The following CHPT1 variants were observed in gnomAD, a reference collection of about 807,000 sequenced individuals.
CHPT1 encodes the protein cholinephosphotransferase 1.
CHPT1 carries 36 observed loss-of-function variants against 47.6 expected under a neutral mutation model. The ratio of observed to expected loss-of-function variants is 0.76; its 90% confidence interval spans 0.58 to 1.00. The LOEUF (loss-of-function observed/expected upper bound fraction) is 1.00, where lower values mean the gene tolerates loss of function less well. CHPT1 is among the 50% of genes least tolerant of loss of function. CHPT1 has a pLI of 0.00. For missense variants in CHPT1, 458 were observed against 498.1 expected (o/e 0.92, Z 0.77); for synonymous variants, 194 against 186.3 (o/e 1.04, Z -0.33).
chr12:101,705,741 T>G (rs1951622292), intron 1 of CHPT1, among the ~76,000 whole-genome samples: 1 of 131,748 alleles, frequency 7.6e-6, no homozygotes, highest in African/African-American at 3.0e-5. Flanking sequence ...ATTCTTCCCA[T>G]TGCTTTTTTG....
chr12:101,713,964 A>AG (rs1951729208), intron 1 of CHPT1, 126 bp from the exon 2 acceptor site: 3 of 559,110 alleles, frequency 5.4e-6, no homozygotes, highest in Admixed American at 5.8e-5. Context: ...TCGCATCTGT[A>AG]GAATGAGGGT....
rs936721983 is a variant in CHPT1 at position 101,714,140 on chromosome 12, G to T, written c.324G>T (p.Gln108His). Reference sequence around the variant, plus strand: ...GTGCACTGGGACTTTTTATTTACCAGTCACTGGATGCTATTGATGGGAAAC... The same window carrying T: ...GTGCACTGGGACTTTTTATTTACCATTCACTGGATGCTATTGATGGGAAAC... Reference protein sequence around the residue: ...LLCALGLFIYQSLDAIDGKQA... With the variant: ...LLCALGLFIYHSLDAIDGKQA... Residue 108 changes from glutamine (Q) to histidine (H), a missense_variant, in exon 2 of 9, where the codon CAG (glutamine) becomes CAT (histidine). Coordinates refer to ENST00000229266, the MANE Select transcript of CHPT1 (RefSeq NM_020244.3). 1.9e-6 allele frequency: 3 copies of T among 1,611,452 alleles called. No individual in the cohort carries two copies. The East Asian group carries it at 6.7e-5, about 36-fold the overall frequency.
In CHPT1 at chr12:101,698,084, G is replaced by T; in HGVS notation, c.223G>T (p.Val75Leu). 2 of 1,566,830 alleles carry T rather than the reference G, an allele frequency of 1.3e-6. No individual in the cohort carries two copies. The highest frequency in any genetic ancestry group is 2.5e-5 in the East Asian group (1 of 40,404). Residue 75 changes from valine to leucine, a missense_variant, in exon 1 of 9, where the codon GTG becomes TTG. By Grantham distance (32) the Val-to-Leu change is conservative. Coordinates refer to ENST00000229266, the MANE Select transcript of CHPT1 (RefSeq NM_020244.3). The part of the protein sequence containing the change: ...SITLLGLAVN[V>L]VTTLVLISYC... ...CACCCTGCTGGGGCTCGCCGTCAAC[G>T]TGGTCACCACGCTCGTGCTCATCTC... is the stretch of plus-strand genomic sequence containing the variant.
chr12:101,710,789 T>G (rs921147887), intron 1 of CHPT1, among the ~76,000 whole-genome samples: 1 of 148,712 alleles, frequency 6.7e-6, no homozygotes, highest in Non-Finnish European at 1.5e-5. Context: ...CTTTTAGAGT[T>G]CTCCTTGAGA....
At chr12:101,704,251 C>G (rs1188245432) in intron 1 of CHPT1, among the ~76,000 whole-genome samples, 3 of 151,380 alleles carry the variant, frequency 2.0e-5, no homozygotes, top group African/African-American at 4.9e-5. Flanking sequence ...CTAGTATTTC[C>G]TAGTTTGGGA....
chr12:101,710,450 A>T (rs192807549), intron 1 of CHPT1, among the ~76,000 whole-genome samples: 1 of 149,154 alleles, frequency 6.7e-6, no homozygotes, highest in Admixed American at 6.8e-5. Context: ...AGGAACATGG[A>T]TCTAGTCACT....
At chr12:101,723,955 G>A (rs1292458894) in intron 7 of CHPT1, 108 bp downstream of exon 7, 9 of 807,774 alleles carry the variant, frequency 1.1e-5, no homozygotes, top group African/African-American at 7.3e-5. Context: ...GGTGACTCAC[G>A]CCTGTAATCC....
chr12:101,708,684 C>T (rs1951665311), intron 1 of CHPT1, among the ~76,000 whole-genome samples: 1 of 149,928 alleles, frequency 6.7e-6, no homozygotes, highest in Non-Finnish European at 1.5e-5. Flanking sequence ...TCAACCTCTG[C>T]CTCCTGGGTT....
At chr12:101,728,777 G>A in intron 8 of CHPT1, 124 bp from the exon 9 acceptor site, 1 of 1,091,346 alleles carries the variant, frequency 9.2e-7, no homozygotes, top group Non-Finnish European at 1.3e-6. Flanking sequence ...ATTTAGATTT[G>A]ACTTAACAGA....
At chr12:101,720,937 AGAC>A (rs1230009585) in intron 5 of CHPT1, among the ~76,000 whole-genome samples, 1 of 152,338 alleles carries the variant, frequency 6.6e-6, no homozygotes, top group East Asian at 1.9e-4. Flanking sequence ...GAACAGAAGA[AGAC>A]AAGTACTTAT....
chr12:101,709,388 C>CAAAA (rs544323245), intron 1 of CHPT1, among the ~76,000 whole-genome samples: 1 of 71,444 alleles, frequency 1.4e-5, no homozygotes, highest in African/African-American at 4.7e-5. Flanking sequence ...AGACCTGTGT[C>CAAAA]AAAAAAAAAA....
chr12:101,705,072 C>A (rs1418418394), intron 1 of CHPT1, among the ~76,000 whole-genome samples: 1 of 111,018 alleles, frequency 9.0e-6, no homozygotes, highest in East Asian at 2.4e-4. Context: ...GGCATGTATT[C>A]TTCCCATTGC....
At chr12:101,725,444 G>A (rs1023328042) in intron 7 of CHPT1, among the ~76,000 whole-genome samples, 6 of 152,008 alleles carry the variant, frequency 3.9e-5, no homozygotes, top group African/African-American at 1.4e-4. Context: ...CTCAATGTAA[G>A]TTTTCTTTTA....
intron 3 of CHPT1, among the ~76,000 whole-genome samples, chr12:101,716,067 GA>G (rs1363925690): frequency 6.6e-6 from 1 of 152,152 alleles, no homozygotes; most frequent in East Asian, 1.9e-4. Flanking sequence ...CAACAAACGT[GA>G]AGAGAGGAGA....
At chr12:101,719,668 A>G (rs1159707418) in intron 4 of CHPT1, 3 of 365,886 alleles carry the variant, frequency 8.2e-6, no homozygotes, top group Admixed American at 4.2e-5. Flanking sequence ...AATTCAAATG[A>G]ACTATCCTTT....
At chr12:101,728,778 A>T (rs1952045311) in intron 8 of CHPT1, 123 bp from the exon 9 acceptor site, 3 of 1,103,172 alleles carry the variant, frequency 2.7e-6, no homozygotes, top group Non-Finnish European at 3.9e-6. Flanking sequence ...TTTAGATTTG[A>T]CTTAACAGAA....
At chr12:101,702,687 CT>C (rs1300596306) in intron 1 of CHPT1, among the ~76,000 whole-genome samples, 1 of 151,722 alleles carries the variant, frequency 6.6e-6, no homozygotes, top group Admixed American at 6.6e-5. Context: ...AGTATATTTC[CT>C]TTTTAAGCAC....
chr12:101,714,108 C>A lies in CHPT1; in HGVS notation c.292C>A (p.Leu98Ile). 6.2e-7 allele frequency: 1 copy of A among 1,606,380 alleles called. No homozygotes were observed. The highest frequency in any genetic ancestry group is 8.5e-7 in the Non-Finnish European group (1 of 1,174,612). Residue 98 changes from leucine to isoleucine, a missense_variant, in exon 2 of 9, where the codon CTT becomes ATT. Coordinates refer to ENST00000229266, the MANE Select transcript of CHPT1 (RefSeq NM_020244.3). ...ATEEAPYWTY[L>I]LCALGLFIYQ... ...TTTATAGGCACCATACTGGACATAC[C>A]TTTTATGTGCACTGGGACTTTTTAT...
In CHPT1 at chr12:101,711,501, T is replaced by A. The variant is rs558570910; in HGVS notation, c.274-2589T>A. Reference sequence around the variant, plus strand: ...GAAAAAAAAATTCAGAGATAGAGAATGAAACTGGTTATCAGGAGCAGAGGG... The same window carrying A: ...GAAAAAAAAATTCAGAGATAGAGAAAGAAACTGGTTATCAGGAGCAGAGGG... On this transcript the variant is annotated intron_variant, in intron 1 of 8. Coordinates refer to ENST00000229266, the MANE Select transcript of CHPT1 (RefSeq NM_020244.3). Among the ~76,000 whole-genome samples, 8 of 147,134 alleles carry A rather than the reference T, an allele frequency of 5.4e-5. No individual in the cohort carries two copies. In the South Asian group the frequency reaches 1.7e-3, roughly 32 times the overall value.
Sources: gnomAD v4.1 joint callset for allele counts (sites outside exome capture counted in the v4.1 genomes callset) on GRCh38, gnomAD v4.1.1 for gene constraint, MANE v1.5 for transcripts, NCBI Gene and HGNC (gene_info 2026-07-23, HGNC 2026-07-21) for gene names.